The following CARHSP1 variants were observed in gnomAD, a reference collection of about 807,000 sequenced individuals.
CARHSP1 encodes the protein calcium regulated heat stable protein 1.
CARHSP1 carries 14 observed loss-of-function variants against 12.5 expected under a neutral mutation model. That is an observed-to-expected ratio of 1.12 (90% CI 0.74 to 1.75). The LOEUF is 1.75. CARHSP1 is among the 40% of genes most tolerant of loss of function. The pLI is 0.00. For synonymous variants in CARHSP1, 161 were observed against 82.0 expected (o/e 1.96, Z -5.20); for missense variants, 343 against 201.6 (o/e 1.70, Z -4.25).
At chr16:8,856,681 A>G (rs1160573793) in intron 3 of CARHSP1, among the ~76,000 whole-genome samples, 1 of 152,140 alleles carries the variant, frequency 6.6e-6, no homozygotes, top group Admixed American at 6.5e-5. Context: ...CTTTTCAGAA[A>G]TGTGGTTTCC....
At chr16:8,858,636 C>T (rs1027418535) in intron 2 of CARHSP1, 164 bp from the exon 3 acceptor site, 2 of 808,184 alleles carry the variant, frequency 2.5e-6, no homozygotes, top group African/African-American at 3.5e-5. Flanking sequence ...GGGAGCCGCT[C>T]ACAAAGACGC....
intron 1 of CARHSP1, among the ~76,000 whole-genome samples, chr16:8,862,643 C>T (rs1314651331): frequency 1.3e-5 from 2 of 152,050 alleles, no homozygotes. Flanking sequence ...TAGCCATTTG[C>T]AAAACGGAGG....
intron 3 of CARHSP1, among the ~76,000 whole-genome samples, chr16:8,857,286 T>A (rs377056392): frequency 8.0e-6 from 1 of 125,458 alleles, no homozygotes; most frequent in African/African-American, 3.0e-5. Context: ...TTTTTTTTTT[T>A]TTTTTTTTTT....
At position 8,855,127 on chromosome 16, in the gene CARHSP1, C is replaced by T; in HGVS notation, c.*37G>A. The T allele has an allele frequency of 6.8e-7, 1 of 1,475,242 alleles. No individual in the cohort carries two copies. The highest frequency in any genetic ancestry group is 1.4e-5 in the South Asian group (1 of 72,100). The allele number at this position is 1,475,242 out of a possible 1,614,324, so 91.4% of individuals were successfully genotyped here. A position where few individuals can be genotyped will look rare whatever the true frequency, so the allele number is the denominator to read the frequency against. On this transcript the variant is annotated 3_prime_UTR_variant, in exon 4 of 4. Coordinates refer to ENST00000311052, the MANE Select transcript of CARHSP1 (RefSeq NM_014316.4). ...CTGCTGCCTCCTCCCTGCAAAGTCT[C>T]CCACAAGCACAGGACAAGGGGTGCT...
At chr16:8,863,303 G>C (rs1419197890) in intron 1 of CARHSP1, among the ~76,000 whole-genome samples, 5 of 151,986 alleles carry the variant, frequency 3.3e-5, no homozygotes, top group Non-Finnish European at 7.4e-5. Flanking sequence ...TGTAGAGACA[G>C]GGTTTCAATA....
intron 3 of CARHSP1, chr16:8,857,630 C>G (rs1201914156): frequency 7.0e-6 from 1 of 143,474 alleles, no homozygotes; most frequent in Non-Finnish European, 1.5e-5. Context: ...ACCCTTGTCA[C>G]TCAGGCTGGA....
intron 1 of CARHSP1, among the ~76,000 whole-genome samples, chr16:8,862,507 A>G (rs543868338): frequency 5.9e-4 from 90 of 152,318 alleles, no homozygotes; most frequent in Non-Finnish European, 5.7e-4. Flanking sequence ...TTAAATAAAC[A>G]TAAACCAGAT....
chr16:8,858,658 A>C, intron 2 of CARHSP1, 186 bp from the exon 3 acceptor site: 2 of 685,856 alleles, frequency 2.9e-6, no homozygotes, highest in South Asian at 2.2e-5. Context: ...GGGGGAAAGG[A>C]CTCTTTGGAT....
At chr16:8,856,149 C>G (rs1036293899) in intron 3 of CARHSP1, among the ~76,000 whole-genome samples, 3 of 152,164 alleles carry the variant, frequency 2.0e-5, no homozygotes, top group Non-Finnish European at 2.9e-5. Context: ...GTGCATGAAG[C>G]TAGTTCCTGG....
chr16:8,858,301 A>G (rs1219930212), intron 3 of CARHSP1, 49 bp downstream of exon 3: 8 of 1,598,120 alleles, frequency 5.0e-6, no homozygotes, highest in Non-Finnish European at 6.8e-6. Flanking sequence ...CCACAGGGCC[A>G]AGGAAGCGCC....
chr16:8,864,887 G>A (rs1200761372), intron 1 of CARHSP1, among the ~76,000 whole-genome samples: 2 of 152,202 alleles, frequency 1.3e-5, no homozygotes, highest in African/African-American at 4.8e-5. Context: ...CCAAGACTCT[G>A]GCTTTCCCAG....
chr16:8,855,449 A>G, intron 3 of CARHSP1, 123 bp from the exon 4 acceptor site: 2 of 822,966 alleles, frequency 2.4e-6, no homozygotes, highest in Non-Finnish European at 3.4e-6. Flanking sequence ...AACCACCGGG[A>G]ACCTCTTTCC....
chr16:8,864,197 CAT>C (rs1290869287), intron 1 of CARHSP1, among the ~76,000 whole-genome samples: 1 of 152,222 alleles, frequency 6.6e-6, no homozygotes, highest in Non-Finnish European at 1.5e-5. Context: ...CATGTGTACA[CAT>C]ACATATGTGC....
chr16:8,861,784 C>G (rs1284967933), intron 1 of CARHSP1: 1 of 1,265,364 alleles, frequency 7.9e-7, no homozygotes, highest in South Asian at 1.3e-5. Flanking sequence ...GCATGACCTA[C>G]CAGCACAGGT....
At position 8,868,972 on chromosome 16, in the gene CARHSP1, A is replaced by G. The variant is rs927955905; in HGVS notation, c.-14T>C. ...CCCGAGAAGAGCTCCCTACCCTGCA[A>G]TCCGTTCTGCTCCGCCAGCCGCTTC... On this transcript the variant is annotated 5_prime_UTR_variant, in exon 1 of 4. Transcript: ENST00000311052. 6.6e-6 allele frequency: 1 copy of G among 151,400 alleles called. No homozygotes were observed. The highest frequency in any genetic ancestry group is 2.4e-5 in the African/African-American group (1 of 41,258). 9.4% of individuals were successfully genotyped at this position (151,400 alleles called of 1,614,324 possible).
chr16:8,861,574 C>G (rs1440576722), intron 1 of CARHSP1: 2 of 1,264,946 alleles, frequency 1.6e-6, no homozygotes, highest in Non-Finnish European at 2.1e-6. Flanking sequence ...GAACCCCTCC[C>G]CAGACATTGC....
rs1433820639 is a variant in CARHSP1, at chr16:8,859,264, T to C, written c.65A>G (p.Asp22Gly). Residue 22 changes from aspartate (D) to glycine (G), a missense_variant, in exon 2 of 4, where the codon GAC (aspartate) becomes GGC (glycine). Asp to Gly is a moderately conservative substitution (Grantham distance 94, BLOSUM62 -1). Coordinates refer to ENST00000311052, the MANE Select transcript of CARHSP1 (RefSeq NM_014316.4). The stretch of plus-strand genomic sequence containing the variant: ...TGAGCGCTCACGGCTCCGAGGGGTG[T>C]CCAGCAGCCCGACTGAAGCTTGATG... ...PTHQASVGLL[D>G]TPRSRERSPS... 5 of 1,599,248 alleles carry C rather than the reference T, an allele frequency of 3.1e-6. No individual in the cohort carries two copies. The highest frequency in any genetic ancestry group is 2.2e-5 in the South Asian group (2 of 89,196).
At position 8,855,125 on chromosome 16, in the gene CARHSP1, C is replaced by A. The variant is rs750403912; in HGVS notation, c.*39G>T. 2.0e-6 allele frequency: 3 copies of A among 1,463,664 alleles called. No individual in the cohort carries two copies. The highest frequency in any genetic ancestry group is 1.4e-5 in the South Asian group (1 of 70,144). The allele number at this position is 1,463,664 out of a possible 1,614,324, so 90.7% of individuals were successfully genotyped here. A position where few individuals can be genotyped will look rare whatever the true frequency, so the allele number is the denominator to read the frequency against. ...GTCTGCTGCCTCCTCCCTGCAAAGT[C>A]TCCCACAAGCACAGGACAAGGGGTG... is the stretch of plus-strand genomic sequence containing the variant. On this transcript the variant is annotated 3_prime_UTR_variant, in exon 4 of 4. Coordinates refer to ENST00000311052, the MANE Select transcript of CARHSP1 (RefSeq NM_014316.4).
chr16:8,865,438 C>T (rs1313337730), intron 1 of CARHSP1, among the ~76,000 whole-genome samples: 2 of 152,188 alleles, frequency 1.3e-5, no homozygotes, highest in African/African-American at 4.8e-5. Context: ...AGCTTCAGCC[C>T]CTTTATTGAA....
Sources: gnomAD v4.1 joint callset for allele counts (sites outside exome capture counted in the v4.1 genomes callset) on GRCh38, gnomAD v4.1.1 for gene constraint, MANE v1.5 for transcripts, NCBI Gene and HGNC (gene_info 2026-07-23, HGNC 2026-07-21) for gene names.